The following ZC3H12B variants were observed in gnomAD, a reference collection of about 807,000 sequenced individuals.
ZC3H12B encodes the protein zinc finger CCCH-type containing 12B.
In ZC3H12B, 7 loss-of-function variants were observed where a neutral mutation model predicts 43.9. The observed-to-expected ratio is 0.16, with a 90% CI of 0.09 to 0.30. The LOEUF (loss-of-function observed/expected upper bound fraction) is 0.30, where lower values mean the gene tolerates loss of function less well. Ranked by LOEUF, ZC3H12B falls within the 10% of genes least tolerant of loss-of-function variation. ZC3H12B has a pLI of 1.00. For synonymous variants in ZC3H12B, 222 were observed against 241.7 expected (o/e 0.92, Z 0.76); for missense variants, 475 against 670.2 (o/e 0.71, Z 3.22).
upstream of ZC3H12B, among the ~76,000 whole-genome samples, chrX:65,363,967 T>C (rs1264163339): frequency 9.0e-6 from 1 of 111,050 alleles, no homozygotes; most frequent in African/African-American, 3.3e-5. Flanking sequence ...CAATTCGGCC[T>C]CCCACATTAT....
At chrX:65,110,345 G>T in the ZC3H12B span, among the ~76,000 whole-genome samples, 1 of 107,411 alleles carries the variant, frequency 9.3e-6, no homozygotes, top group African/African-American at 3.4e-5. Context: ...TTGGTGTTAA[G>T]TCTAAAAATT....
the ZC3H12B span, among the ~76,000 whole-genome samples, chrX:65,109,254 T>G: frequency 9.0e-6 from 1 of 111,675 alleles, no homozygotes; most frequent in Non-Finnish European, 1.9e-5. Flanking sequence ...ATTTGATGGC[T>G]TTTAGTATTT....
chrX:65,064,395 T>C, the ZC3H12B span, among the ~76,000 whole-genome samples: 1 of 112,269 alleles, frequency 8.9e-6, no homozygotes, highest in Non-Finnish European at 1.9e-5. Flanking sequence ...ATTTCTGCCT[T>C]AATTTCATTA....
At chrX:65,238,865 T>G in the ZC3H12B span, among the ~76,000 whole-genome samples, 1 of 112,099 alleles carries the variant, frequency 8.9e-6, no homozygotes, top group African/African-American at 3.2e-5. Flanking sequence ...CAGGAGCAGA[T>G]TTTTCAATCT....
the ZC3H12B span, among the ~76,000 whole-genome samples, chrX:65,193,658 C>CTTCTACTAAT: frequency 9.0e-6 from 1 of 110,866 alleles, no homozygotes; most frequent in Non-Finnish European, 1.9e-5. Flanking sequence ...TTTATTATTT[C>CTTCTACTAAT]TTCTACTAAT....
At chrX:65,287,897 A>G in the ZC3H12B span, among the ~76,000 whole-genome samples, 1 of 108,661 alleles carries the variant, frequency 9.2e-6, no homozygotes, top group Non-Finnish European at 1.9e-5. Context: ...ACAATCCACT[A>G]GCTAGACTAA....
At chrX:65,436,860 G>A (rs779060111) in intron 3 of ZC3H12B, among the ~76,000 whole-genome samples, 3 of 110,992 alleles carry the variant, frequency 2.7e-5, no homozygotes, top group Non-Finnish European at 3.8e-5. Flanking sequence ...TACTCTTTCA[G>A]TTATTTTAAA....
the ZC3H12B span, among the ~76,000 whole-genome samples, chrX:65,356,421 A>T: frequency 8.9e-6 from 1 of 111,810 alleles, no homozygotes; most frequent in Admixed American, 9.6e-5. Flanking sequence ...GTAAATATAT[A>T]CATATAAAAA....
At chrX:65,212,306 A>C in the ZC3H12B span, among the ~76,000 whole-genome samples, 1 of 12,769 alleles carries the variant, frequency 7.8e-5, no homozygotes, top group Non-Finnish European at 4.6e-4. Flanking sequence ...TATAATATAT[A>C]ATATAATTAT....
chrX:65,114,453 T>G, the ZC3H12B span, among the ~76,000 whole-genome samples: 147 of 110,580 alleles, frequency 1.3e-3, 1 homozygote, highest in African/African-American at 4.7e-3. Context: ...ATATTTCATA[T>G]TGAATTTCTT....
the ZC3H12B span, among the ~76,000 whole-genome samples, chrX:65,134,184 A>G: frequency 9.0e-6 from 1 of 110,747 alleles, no homozygotes; most frequent in African/African-American, 3.3e-5. Flanking sequence ...GAGAGGGTAG[A>G]GACACAGAGA....
intron 2 of ZC3H12B, among the ~76,000 whole-genome samples, chrX:65,377,214 C>G (rs2066358532): frequency 9.4e-6 from 1 of 106,266 alleles, no homozygotes; most frequent in Non-Finnish European, 1.9e-5. Flanking sequence ...AATATACAGT[C>G]CGAGGAGACA....
At chrX:65,221,512 A>G in the ZC3H12B span, among the ~76,000 whole-genome samples, 2 of 111,830 alleles carry the variant, frequency 1.8e-5, no homozygotes, top group African/African-American at 3.2e-5. Context: ...GGGAGATAAT[A>G]CAACCAATAT....
chrX:65,371,497 T>A (rs974072587), intron 2 of ZC3H12B, among the ~76,000 whole-genome samples: 2 of 111,568 alleles, frequency 1.8e-5, no homozygotes, highest in Non-Finnish European at 1.9e-5. Flanking sequence ...GGAACTCATC[T>A]GGAAAATGAA....
chrX:65,254,297 C>T, the ZC3H12B span, among the ~76,000 whole-genome samples: 3 of 112,587 alleles, frequency 2.7e-5, no homozygotes, highest in Non-Finnish European at 3.8e-5. Flanking sequence ...TTGACTGTCA[C>T]CAGCCATTGC....
the ZC3H12B span, among the ~76,000 whole-genome samples, chrX:65,071,745 C>T: frequency 2.7e-5 from 3 of 111,825 alleles, no homozygotes; most frequent in Non-Finnish European, 5.6e-5. Context: ...TTTTGATTGG[C>T]ATTTCTTTTC....
At chrX:65,230,446 A>G in the ZC3H12B span, among the ~76,000 whole-genome samples, 9 of 109,080 alleles carry the variant, frequency 8.3e-5, no homozygotes, top group African/African-American at 3.0e-4. Flanking sequence ...ATGACGAGTT[A>G]ATGGGTGCAG....
the ZC3H12B span, among the ~76,000 whole-genome samples, chrX:65,308,634 G>A: frequency 9.0e-6 from 1 of 111,389 alleles, no homozygotes; most frequent in African/African-American, 3.3e-5. Context: ...TGCACCAAGT[G>A]GACCTCATAG....
the ZC3H12B span, among the ~76,000 whole-genome samples, chrX:65,281,641 C>T: frequency 3.6e-5 from 4 of 112,298 alleles, no homozygotes; most frequent in Admixed American, 3.8e-4. Flanking sequence ...CGAAACTAGA[C>T]TCCCACCTCT....
Sources: allele counts gnomAD v4.1 joint callset (sites outside exome capture counted in the v4.1 genomes callset), GRCh38; gene constraint gnomAD v4.1.1; transcripts MANE v1.5; gene names NCBI Gene and HGNC (gene_info 2026-07-23, HGNC 2026-07-21).